The following AVEN variants were observed in gnomAD, a reference collection of about 807,000 sequenced individuals.
The protein encoded by AVEN is cell death regulator Aven.
Under a neutral mutation model 38.1 loss-of-function variants are expected in AVEN, and 41 were observed. That is an observed-to-expected ratio of 1.08 (90% CI 0.84 to 1.40). The LOEUF (loss-of-function observed/expected upper bound fraction) is 1.40. Among genes scored for constraint, AVEN ranks in the 40% most tolerant of loss-of-function variants. The pLI is 0.00. For synonymous variants in AVEN, 206 were observed against 171.8 expected (o/e 1.20, Z -1.56); for missense variants, 605 against 438.8 (o/e 1.38, Z -3.38).
At chr15:33,941,290 A>T (rs1391695454) in intron 2 of AVEN, among the ~76,000 whole-genome samples, 1 of 152,164 alleles carries the variant, frequency 6.6e-6, no homozygotes, top group Admixed American at 6.5e-5. Flanking sequence ...ACATAGCTAA[A>T]CTGAAACTGT....
At chr15:33,959,456 C>A (rs574605164) in intron 2 of AVEN, among the ~76,000 whole-genome samples, 1 of 152,240 alleles carries the variant, frequency 6.6e-6, no homozygotes, top group Admixed American at 6.5e-5. Context: ...CCCCTTAATG[C>A]CTCTTTAACC....
downstream of AVEN, chr15:33,857,770 T>G: frequency 1.2e-6 from 2 of 1,614,000 alleles, no homozygotes; most frequent in Non-Finnish European, 1.7e-6. Context: ...CTCTGTCCTC[T>G]CATTCCCAGT....
chr15:33,918,924 GT>G (rs34781502), intron 2 of AVEN, among the ~76,000 whole-genome samples: 61 of 139,920 alleles, frequency 4.4e-4, no homozygotes, highest in Middle Eastern at 3.7e-3. Flanking sequence ...CTGCTTTTCT[GT>G]TTTTTTTTTT....
intron 5 of AVEN, among the ~76,000 whole-genome samples, chr15:34,048,545 A>G (rs1274818897): frequency 2.0e-5 from 3 of 150,464 alleles, no homozygotes; most frequent in Non-Finnish European, 4.4e-5. Flanking sequence ...CAGAGCTCTG[A>G]TTTCTCCCTG....
chr15:33,961,600 T>G lies in AVEN; in HGVS notation c.445+41432A>C, dbSNP rs796669928. ...AGGCCAAGGTGGGCGAATCACGAGG[T>G]CAGGAGATCGAGACCATTCTGGCTA... On this transcript the variant is annotated intron_variant, in intron 2 of 5. Coordinates refer to ENST00000306730, the MANE Select transcript of AVEN (RefSeq NM_020371.3). Among the ~76,000 whole-genome samples the G allele has an allele frequency of 1.1e-3, 169 of 151,436 alleles. 1 individual carries two copies. Among genetic ancestry groups the G allele is most frequent in the African/African-American group, 3.8e-3 (157 of 41,242 alleles).
At chr15:33,882,678 G>A (rs767473370) in intron 2 of AVEN, among the ~76,000 whole-genome samples, 4 of 152,032 alleles carry the variant, frequency 2.6e-5, no homozygotes, top group East Asian at 1.9e-4. Context: ...ACAAGCCTGG[G>A]TAACAAAATG....
intron 1 of AVEN, among the ~76,000 whole-genome samples, chr15:34,015,742 G>A (rs947437158): frequency 1.3e-5 from 2 of 151,872 alleles, no homozygotes; most frequent in African/African-American, 4.8e-5. Flanking sequence ...AATGTTCAAT[G>A]ACACGTCTCA....
intron 2 of AVEN, among the ~76,000 whole-genome samples, chr15:33,951,201 T>C (rs1340049625): frequency 6.6e-6 from 1 of 152,120 alleles, no homozygotes; most frequent in African/African-American, 2.4e-5. Context: ...CCAAAACGTT[T>C]ATAAAGGCCT....
At chr15:33,904,967 T>TA (rs1892640527) in intron 2 of AVEN, among the ~76,000 whole-genome samples, 1 of 151,306 alleles carries the variant, frequency 6.6e-6, no homozygotes, top group Non-Finnish European at 1.5e-5. Context: ...TCGTCTCTAC[T>TA]AAAAATACAA....
chr15:34,023,539 C>T (rs1016142010), intron 1 of AVEN, among the ~76,000 whole-genome samples: 7 of 152,154 alleles, frequency 4.6e-5, no homozygotes, highest in African/African-American at 1.7e-4. Context: ...TCTTGCAAAA[C>T]CTGAGATTCA....
At chr15:33,876,804 G>C (rs1018925465) in intron 2 of AVEN, among the ~76,000 whole-genome samples, 1 of 151,928 alleles carries the variant, frequency 6.6e-6, no homozygotes, top group Non-Finnish European at 1.5e-5. Flanking sequence ...TTTTTAAAAA[G>C]GACTGTATAA....
At chr15:33,901,175 G>C (rs1892484853) in intron 2 of AVEN, among the ~76,000 whole-genome samples, 2 of 152,176 alleles carry the variant, frequency 1.3e-5, no homozygotes, top group South Asian at 4.1e-4. Context: ...GCTGAGGCAG[G>C]AGAATGGTGT....
intron 2 of AVEN, among the ~76,000 whole-genome samples, chr15:33,924,025 A>G (rs996526904): frequency 6.6e-6 from 1 of 152,006 alleles, no homozygotes; most frequent in Non-Finnish European, 1.5e-5. Flanking sequence ...AATAATAGAA[A>G]TAAAGTGCAC....
At chr15:34,054,917 G>A (rs1410569061) in intron 5 of AVEN, among the ~76,000 whole-genome samples, 2 of 152,214 alleles carry the variant, frequency 1.3e-5, no homozygotes, top group African/African-American at 4.8e-5. Flanking sequence ...AATAAGCTGG[G>A]TGCGGTGGCT....
At chr15:33,899,320 A>G (rs1347357385) in intron 2 of AVEN, among the ~76,000 whole-genome samples, 1 of 152,176 alleles carries the variant, frequency 6.6e-6, no homozygotes, top group East Asian at 1.9e-4. Context: ...ACCATATGGT[A>G]GTAGAACTAG....
intron 2 of AVEN, among the ~76,000 whole-genome samples, chr15:33,982,535 T>C (rs948433108): frequency 2.0e-5 from 3 of 152,246 alleles, no homozygotes; most frequent in Admixed American, 1.3e-4. Context: ...TTCAATTTGA[T>C]TGACTGCTAT....
In AVEN at chr15:34,051,648, T is replaced by C. The variant is rs369567338; in HGVS notation, n.1637+11274A>G. Among the ~76,000 whole-genome samples the C allele has an allele frequency of 4.9e-4, 75 of 152,118 alleles. 1 individual carries two copies. The highest frequency in any genetic ancestry group is 1.8e-3 in the African/African-American group (73 of 41,518). ...ATCAAATAAACACAATCATAAATGATAAGGGAGAAATCACCATTGACCCCA... is the reference window on the plus strand; with the variant it reads ...ATCAAATAAACACAATCATAAATGACAAGGGAGAAATCACCATTGACCCCA... On this transcript the variant is annotated intron_variant and non_coding_transcript_variant, in intron 5 of 11. Transcript: ENST00000675287.
chr15:33,888,531 G>A (rs542191043), intron 2 of AVEN, among the ~76,000 whole-genome samples: 1 of 152,176 alleles, frequency 6.6e-6, no homozygotes, highest in African/African-American at 2.4e-5. Flanking sequence ...CATAAAATGT[G>A]AACAAGGTAA....
At chr15:33,854,995 CAGGAAGGAAT>C, downstream of AVEN, 3 of 1,324,696 alleles carry the variant, frequency 2.3e-6, no homozygotes, top group East Asian at 2.6e-5. Context: ...CAGTATATGA[CAGGAAGGAAT>C]ATGTCTTGGT....
Sources: allele counts gnomAD v4.1 joint callset (sites outside exome capture counted in the v4.1 genomes callset), GRCh38; gene constraint gnomAD v4.1.1; transcripts MANE v1.5; gene names NCBI Gene and HGNC (gene_info 2026-07-23, HGNC 2026-07-21).